RBFOX1: variants seen among roughly 807,000 people sequenced by gnomAD.
RBFOX1 encodes RNA binding fox-1 homolog 1, also known as RNA binding protein fox-1 homolog 1.
RBFOX1 carries 8 observed loss-of-function variants against 57.7 expected under a neutral mutation model. That is an observed-to-expected ratio of 0.14 (90% CI 0.08 to 0.25). The LOEUF is 0.25. RBFOX1 is among the 10% of genes least tolerant of loss of function. The pLI is 1.00. For synonymous variants in RBFOX1, 326 were observed against 222.4 expected, an observed-to-expected ratio of 1.47 and a Z score of -4.15; for missense variants, 611 against 548.5, an observed-to-expected ratio of 1.11 and a Z score of -1.14.
Position 6,719,607 on chromosome 16 carries a change from AT to A in RBFOX1, c.-16+64969del, listed in dbSNP as rs879356515. On this transcript the variant is annotated intron_variant, in intron 3 of 15. Transcript: ENST00000550418. ...AGGTGCCCATCACCACGCCCGGCTA[AT>A]TTTTTTTTTTTGTATTTTTAGTAGA... Among the ~76,000 whole-genome samples the A allele has an allele frequency of 5.2e-3, 747 of 144,654 alleles. 3 individuals carry two copies. The highest frequency in any genetic ancestry group is 0.014 in the African/African-American group (545 of 39,666). The allele number at this position is 144,654 out of a possible 152,430, so 94.9% of individuals were successfully genotyped here.
intron 4 of RBFOX1, among the ~76,000 whole-genome samples, chr16:7,299,514 CT>C (rs1359662722): frequency 6.6e-6 from 1 of 152,196 alleles, no homozygotes; most frequent in Non-Finnish European, 1.5e-5. Context: ...AAAGCAATTG[CT>C]GCTGAATGGT....
chr16:6,706,007 G>C (rs938467944), intron 3 of RBFOX1, among the ~76,000 whole-genome samples: 3 of 152,128 alleles, frequency 2.0e-5, no homozygotes, highest in African/African-American at 7.2e-5. Context: ...GAAAGAGCAA[G>C]ACTCTGTCTT....
intron 4 of RBFOX1, among the ~76,000 whole-genome samples, chr16:5,911,261 A>G (rs555332667): frequency 1.3e-5 from 2 of 152,292 alleles, no homozygotes; most frequent in African/African-American, 4.8e-5. Context: ...TTTCACCCCC[A>G]GAAAAACGTC....
At chr16:6,567,118 A>G (rs1453918882) in intron 2 of RBFOX1, among the ~76,000 whole-genome samples, 1 of 152,174 alleles carries the variant, frequency 6.6e-6, no homozygotes, top group East Asian at 1.9e-4. Flanking sequence ...GGCTGTCCAG[A>G]TTTCTCTGCA....
At chr16:6,808,324 T>G (rs2087472034) in intron 3 of RBFOX1, among the ~76,000 whole-genome samples, 1 of 151,980 alleles carries the variant, frequency 6.6e-6, no homozygotes, top group African/African-American at 2.4e-5. Flanking sequence ...CACCACTGAT[T>G]CCCATCTGAT....
chr16:7,487,297 A>G (rs944105258), intron 4 of RBFOX1, among the ~76,000 whole-genome samples: 6 of 152,110 alleles, frequency 3.9e-5, no homozygotes, highest in African/African-American at 1.4e-4. Flanking sequence ...TTTATCTCAA[A>G]TAGCGGCCCC....
chr16:5,663,897 AT>A (rs2049744480), intron 3 of RBFOX1, among the ~76,000 whole-genome samples: 1 of 152,058 alleles, frequency 6.6e-6, no homozygotes, highest in Non-Finnish European at 1.5e-5. Context: ...TGATGCTCCT[AT>A]TTTTGTTCCA....
intron 2 of RBFOX1, among the ~76,000 whole-genome samples, chr16:5,563,615 T>A (rs1203208293): frequency 6.6e-6 from 1 of 152,198 alleles, no homozygotes; most frequent in Non-Finnish European, 1.5e-5. Flanking sequence ...AATAAGTAGT[T>A]GACCAGCCCT....
chr16:5,917,268 A>G (rs1262146298), intron 4 of RBFOX1, among the ~76,000 whole-genome samples: 1 of 152,178 alleles, frequency 6.6e-6, no homozygotes, highest in Non-Finnish European at 1.5e-5. Context: ...ATGCCCATGG[A>G]AGCGTGATAA....
chr16:7,087,557 AGAGAGAAGGAGG>A (rs952310908), intron 4 of RBFOX1, among the ~76,000 whole-genome samples: 11 of 141,364 alleles, frequency 7.8e-5, no homozygotes, highest in Admixed American at 7.7e-4. Context: ...GAAAAGAGAG[AGAGAGAAGGAGG>A]GAGAGAGGGA....
chr16:5,845,098 A>C, intron 3 of RBFOX1, among the ~76,000 whole-genome samples: 1 of 146,484 alleles, frequency 6.8e-6, no homozygotes, highest in East Asian at 2.0e-4. Context: ...CGGAGGGTTT[A>C]GTCCAAATTT....
intron 1 of RBFOX1, among the ~76,000 whole-genome samples, chr16:6,114,330 T>A (rs1278335527): frequency 6.6e-6 from 1 of 152,242 alleles, no homozygotes; most frequent in African/African-American, 2.4e-5. Flanking sequence ...TTTATTTCCA[T>A]CTTATGCAAT....
At chr16:7,482,899 G>A (rs952580494) in intron 4 of RBFOX1, among the ~76,000 whole-genome samples, 1 of 152,132 alleles carries the variant, frequency 6.6e-6, no homozygotes. Flanking sequence ...GAGGGGGGCA[G>A]CTTTTGGCTG....
chr16:7,503,704 G>GGT (rs2071784437), intron 4 of RBFOX1, among the ~76,000 whole-genome samples: 1 of 152,198 alleles, frequency 6.6e-6, no homozygotes. Context: ...CCAGGAGGTG[G>GGT]AGAATCCCTA....
At chr16:7,354,275 T>A (rs2097176919) in intron 4 of RBFOX1, among the ~76,000 whole-genome samples, 1 of 152,174 alleles carries the variant, frequency 6.6e-6, no homozygotes, top group Non-Finnish European at 1.5e-5. Context: ...TTGGCCCGAA[T>A]TGTATATTTT....
chr16:6,107,049 C>T (rs937511649), intron 1 of RBFOX1, among the ~76,000 whole-genome samples: 1 of 152,210 alleles, frequency 6.6e-6, no homozygotes, highest in African/African-American at 2.4e-5. Context: ...CAAACATAAT[C>T]AGCAGCCCAG....
intron 4 of RBFOX1, among the ~76,000 whole-genome samples, chr16:7,082,978 T>C (rs887904862): frequency 2.7e-5 from 4 of 148,880 alleles, no homozygotes; most frequent in African/African-American, 7.3e-5. Context: ...CTTGTAAATA[T>C]GGAAAAAAAT....
chr16:6,166,885 C>T (rs1283692456), intron 1 of RBFOX1, among the ~76,000 whole-genome samples: 1 of 152,020 alleles, frequency 6.6e-6, no homozygotes, highest in Non-Finnish European at 1.5e-5. Flanking sequence ...GCAATTCTTC[C>T]GCCTCAGCCT....
intron 4 of RBFOX1, among the ~76,000 whole-genome samples, chr16:7,319,245 T>G (rs2096499149): frequency 6.6e-6 from 1 of 152,194 alleles, no homozygotes; most frequent in African/African-American, 2.4e-5. Flanking sequence ...TCTGTGAATT[T>G]CCACGTTGAG....
Sources: gnomAD v4.1 joint callset for allele counts (sites outside exome capture counted in the v4.1 genomes callset) on GRCh38, gnomAD v4.1.1 for gene constraint, MANE v1.5 for transcripts, NCBI Gene and HGNC (gene_info 2026-07-23, HGNC 2026-07-21) for gene names.